Variants in KDM4B observed in about 807,000 individuals in gnomAD.
KDM4B encodes lysine demethylase 4B.
A neutral mutation model predicts 125.2 loss-of-function variants in KDM4B; 32 were observed. The observed-to-expected ratio is 0.26, with a 90% CI of 0.19 to 0.34. The LOEUF is 0.34. Among genes scored for constraint, KDM4B ranks in the 10% least tolerant of loss-of-function variants. The pLI is 1.00. For synonymous variants in KDM4B, 721 were observed against 677.9 expected (o/e 1.06, Z -0.99); for missense variants, 1,190 against 1,577.7 (o/e 0.75, Z 4.16).
At chr19:5,003,682 G>A (rs960994443) in intron 1 of KDM4B, among the ~76,000 whole-genome samples, 3 of 151,976 alleles carry the variant, frequency 2.0e-5, no homozygotes, top group Non-Finnish European at 4.4e-5. Flanking sequence ...GGTGGTGGGC[G>A]CCTGTAATCC....
rs55641886 is a variant in KDM4B at position 4,994,020 on chromosome 19, G to GTTTTTTTTTTTTTTTTTTTTT, written c.-108-22235_-108-22215dup. ...CGTTTAATTTTTATATTTTCAGCCT[G>GTTTTTTTTTTTTTTTTTTTTT]TTTTTTTTTTTTTTTTTTTTTTGTT... On this transcript the variant is annotated intron_variant, in intron 1 of 22. Transcript: ENST00000159111. 2.5e-4 allele frequency among the ~76,000 whole-genome samples: 17 copies of GTTTTTTTTTTTTTTTTTTTTT among 66,678 alleles called. 1 individual carries two copies. The highest frequency in any genetic ancestry group is 3.0e-4 in the Non-Finnish European group (11 of 36,788). The allele number at this position is 66,678 out of a possible 152,430, so 43.7% of individuals were successfully genotyped here.
At position 5,114,907 on chromosome 19, in the gene KDM4B, T is replaced by C. The variant is rs1042716674; in HGVS notation, c.1115+4089T>C. On this transcript the variant is annotated intron_variant, in intron 10 of 22. Transcript: ENST00000159111. This position sits in a 1 kb window ranked among gnomAD's most constrained non-coding sequence, Gnocchi z 5.8. ...AATATTAGTGCAGTTATCTGGACTA[T>C]GTCCCGACATTTGGCTCATAGGAAT... Among the ~76,000 whole-genome samples, 11 of 152,382 alleles carry C rather than the reference T, an allele frequency of 7.2e-5. No individual in the cohort carries two copies. The highest frequency in any genetic ancestry group is 1.3e-4 in the Non-Finnish European group (9 of 68,036).
chr19:5,052,247 A>G (rs999388061), intron 6 of KDM4B, among the ~76,000 whole-genome samples: 5 of 151,916 alleles, frequency 3.3e-5, no homozygotes, highest in African/African-American at 1.2e-4. Context: ...CTTGAGTCCT[A>G]GCAGGCATAG....
Position 5,114,169 on chromosome 19 carries a change from C to T in KDM4B, c.1115+3351C>T, listed in dbSNP as rs530408873. 2 of 1,289,752 alleles carry T rather than the reference C, an allele frequency of 1.6e-6. No individual in the cohort carries two copies. The highest frequency in any genetic ancestry group is 1.2e-5 in the South Asian group (1 of 81,030). The allele number at this position is 1,289,752 out of a possible 1,614,324, so 79.9% of individuals were successfully genotyped here. A position where few individuals can be genotyped will look rare whatever the true frequency, so the allele number is the denominator to read the frequency against. On this transcript the variant is annotated intron_variant, in intron 10 of 22. Transcript: ENST00000159111. The surrounding 1 kb of genome is among the most constrained non-coding windows in gnomAD (Gnocchi z 5.8). ...GCTCTCTGGCACCCACGCGACGCTC[C>T]TCCATGCAAACTCTTTCCACGCGAG... is the stretch of plus-strand genomic sequence containing the variant.
intron 1 of KDM4B, among the ~76,000 whole-genome samples, chr19:5,009,630 TC>T (rs1259596345): frequency 1.3e-5 from 2 of 152,254 alleles, no homozygotes; most frequent in Admixed American, 6.5e-5. Context: ...CACAGAGCGT[TC>T]CTGTGTACCT....
chr19:5,017,037 C>T (rs535314783), intron 2 of KDM4B, among the ~76,000 whole-genome samples: 3 of 152,320 alleles, frequency 2.0e-5, no homozygotes, highest in Admixed American at 1.3e-4. Context: ...CAGCGGCGGC[C>T]GGCAGAGCAC....
At chr19:5,006,077 GAGA>G (rs1196002279) in intron 1 of KDM4B, among the ~76,000 whole-genome samples, 1 of 152,158 alleles carries the variant, frequency 6.6e-6, no homozygotes, top group Non-Finnish European at 1.5e-5. Flanking sequence ...GTGAAGGACA[GAGA>G]AGAAGGATGG....
At chr19:4,975,932 G>A (rs1056397753) in intron 1 of KDM4B, among the ~76,000 whole-genome samples, 1 of 149,308 alleles carries the variant, frequency 6.7e-6, no homozygotes, top group South Asian at 2.2e-4. Flanking sequence ...AAAGCATTTA[G>A]AGTCATATTC....
intron 3 of KDM4B, among the ~76,000 whole-genome samples, chr19:5,037,684 G>C (rs759900559): frequency 1.3e-5 from 2 of 152,168 alleles, no homozygotes; most frequent in Non-Finnish European, 2.9e-5. Context: ...CTGGGGTGGC[G>C]CCATCCTGGG....
Position 5,144,304 on chromosome 19 carries a change from C to T in KDM4B, c.2793C>T (p.Asn931=), listed in dbSNP as rs141629225. 4.3e-3 allele frequency: 6,872 copies of T among 1,591,534 alleles called. 19 individuals carry two copies. The highest frequency in any genetic ancestry group is 5.0e-3 in the Non-Finnish European group (5,840 of 1,169,514). The change falls in exon 20 of 23, where the codon AAC becomes AAT. Residue 931 remains asparagine, a synonymous_variant. Transcript: ENST00000159111. ...AGGTGGTCATCACCAAGAACCGCAACGGGCTGTACTACCGCTGTCGCGTCA... is the reference window on the plus strand; with the variant it reads ...AGGTGGTCATCACCAAGAACCGCAATGGGCTGTACTACCGCTGTCGCGTCA... ...LGQVVITKNR[N]GLYYRCRVIG...
intron 9 of KDM4B, among the ~76,000 whole-genome samples, chr19:5,096,792 G>A (rs1032910811): frequency 6.6e-6 from 1 of 151,772 alleles, no homozygotes; most frequent in Non-Finnish European, 1.5e-5. Context: ...CTGCCTGGTG[G>A]AGGAGGTGTC....
chr19:5,058,960 C>T (rs1224856521), intron 6 of KDM4B, among the ~76,000 whole-genome samples: 2 of 152,256 alleles, frequency 1.3e-5, no homozygotes, highest in Non-Finnish European at 2.9e-5. Context: ...CGTGAATTCC[C>T]ATCTTCAGAT....
At chr19:5,074,743 C>A (rs560839971) in intron 7 of KDM4B, 1 of 152,414 alleles carries the variant, frequency 6.6e-6, no homozygotes, top group Non-Finnish European at 1.5e-5. Context: ...TGGCCCCGCT[C>A]TCCCGCCTCC....
chr19:5,068,452 C>T (rs1291239036), intron 6 of KDM4B, among the ~76,000 whole-genome samples: 8 of 152,224 alleles, frequency 5.3e-5, no homozygotes, highest in African/African-American at 1.2e-4. Flanking sequence ...GTCCCCTAAG[C>T]GAACGCAAGC....
At chr19:5,070,875 A>C in intron 6 of KDM4B, 135 bp from the exon 7 acceptor site, 1 of 823,900 alleles carries the variant, frequency 1.2e-6, no homozygotes, top group Non-Finnish European at 1.9e-6. Context: ...TCCCCTCCAC[A>C]CAGTCCTGAC....
intron 1 of KDM4B, among the ~76,000 whole-genome samples, chr19:4,980,069 C>T (rs1323924589): frequency 6.6e-6 from 1 of 151,836 alleles, no homozygotes; most frequent in African/African-American, 2.4e-5. Context: ...CATGCCACTG[C>T]ACTCCAGCCT....
At chr19:5,085,011 T>C (rs954273308) in intron 9 of KDM4B, among the ~76,000 whole-genome samples, 1 of 152,096 alleles carries the variant, frequency 6.6e-6, no homozygotes, top group Admixed American at 6.5e-5. Flanking sequence ...ACACCACCTC[T>C]TTTTGCTTTT....
intron 1 of KDM4B, among the ~76,000 whole-genome samples, chr19:4,980,421 C>CTTTTTTTTT (rs572345837): frequency 5.5e-5 from 6 of 109,728 alleles, no homozygotes; most frequent in Admixed American, 9.4e-5. Context: ...CCTTTTCTTT[C>CTTTTTTTTT]TTTTTTTTTT....
rs771377168 is a variant in KDM4B at position 5,115,704 on chromosome 19, C to T, written c.1116-3949C>T. Among the ~76,000 whole-genome samples, 6 of 152,170 alleles carry T rather than the reference C, an allele frequency of 3.9e-5. No homozygotes were observed. The highest frequency in any genetic ancestry group is 7.2e-5 in the African/African-American group (3 of 41,424). The stretch of plus-strand genomic sequence containing the variant: ...GTGAGTGCAGGGCCCTGGAGTGGGC[C>T]GGGACTTTGCATTATGGAAAAAGAG... On this transcript the variant is annotated intron_variant, in intron 10 of 22. Transcript: ENST00000159111. This position sits in a 1 kb window ranked among gnomAD's most constrained non-coding sequence, Gnocchi z 4.2.
Sources: allele counts gnomAD v4.1 joint callset (sites outside exome capture counted in the v4.1 genomes callset), GRCh38; gene constraint gnomAD v4.1.1; non-coding constraint Gnocchi (gnomAD v3.1); transcripts MANE v1.5; gene names NCBI Gene and HGNC (gene_info 2026-07-23, HGNC 2026-07-21).